The following SH3TC1 variants were observed in gnomAD, a reference collection of about 807,000 sequenced individuals.
The protein encoded by SH3TC1 is SH3 domain and tetratricopeptide repeat-containing protein 1.
A neutral mutation model predicts 117.3 loss-of-function variants in SH3TC1; 135 were observed. That is an observed-to-expected ratio of 1.15 (90% CI 1.00 to 1.33). The LOEUF (loss-of-function observed/expected upper bound fraction) is 1.33, where lower values mean the gene tolerates loss of function less well. SH3TC1 is among the 40% of genes most tolerant of loss of function. SH3TC1 has a pLI of 0.00. For missense variants in SH3TC1, 2,092 were observed against 1,794.3 expected (o/e 1.17, Z -3.00); for synonymous variants, 898 against 816.9 (o/e 1.10, Z -1.69).
chr4:8,234,179 CCAT>C (rs1721574416), intron 14 of SH3TC1, among the ~76,000 whole-genome samples: 3 of 142,384 alleles, frequency 2.1e-5, no homozygotes, highest in South Asian at 4.9e-4. Flanking sequence ...ATCCATCCAT[CCAT>C]CATCCATCCA....
At chr4:8,196,828 G>C (rs749058178), upstream of SH3TC1, among the ~76,000 whole-genome samples, 1 of 152,116 alleles carries the variant, frequency 6.6e-6, no homozygotes, top group Non-Finnish European at 1.5e-5. The surrounding 1 kb of genome is among the most constrained non-coding windows in gnomAD (Gnocchi z 4.6). Context: ...ACCTTGTATC[G>C]TCCATCCCCA....
At chr4:8,213,329 T>A (rs908350869) in intron 4 of SH3TC1, 2 of 157,142 alleles carry the variant, frequency 1.3e-5, no homozygotes, top group Admixed American at 6.1e-5. Context: ...CTGACTGGGG[T>A]TGGACCAGCC....
chr4:8,238,522 G>C (rs576135537), intron 17 of SH3TC1, among the ~76,000 whole-genome samples: 7 of 152,262 alleles, frequency 4.6e-5, no homozygotes, highest in African/African-American at 1.7e-4. Flanking sequence ...CTGAGCTCTT[G>C]GGGGCCTTAG....
chr4:8,195,884 G>C (rs553464855), upstream of SH3TC1, among the ~76,000 whole-genome samples: 28 of 152,320 alleles, frequency 1.8e-4, no homozygotes, highest in African/African-American at 6.3e-4. Context: ...GGTCTTGGGC[G>C]CCAACTCCCC....
intron 3 of SH3TC1, 142 bp from the exon 4 acceptor site, chr4:8,212,558 CG>C: frequency 1.8e-6 from 2 of 1,142,728 alleles, no homozygotes; most frequent in Non-Finnish European, 1.2e-6. Context: ...GATCTAAACC[CG>C]GGGCTTGGGC....
upstream of SH3TC1, among the ~76,000 whole-genome samples, chr4:8,197,534 T>C (rs1717595366): frequency 6.6e-6 from 1 of 152,182 alleles, no homozygotes; most frequent in African/African-American, 2.4e-5. Context: ...GACTTTCAGA[T>C]TGCTGCCACT....
chr4:8,197,766 C>G (rs760759296), upstream of SH3TC1, among the ~76,000 whole-genome samples: 2 of 152,216 alleles, frequency 1.3e-5, no homozygotes, highest in African/African-American at 4.8e-5. Flanking sequence ...CCCCCGATCC[C>G]GGGCCCTGGC....
At chr4:8,218,390 T>C in intron 8 of SH3TC1, 43 bp downstream of exon 8, 13 of 1,478,166 alleles carry the variant, frequency 8.8e-6, no homozygotes, top group Non-Finnish European at 1.2e-5. Flanking sequence ...GAAATGTGTG[T>C]GCTAGGGAGC....
chr4:8,215,329 C>T (rs1433367971), intron 5 of SH3TC1: 1 of 443,632 alleles, frequency 2.3e-6, no homozygotes, highest in African/African-American at 2.0e-5. Flanking sequence ...CGACACCACC[C>T]TTGATTTGAG....
intron 14 of SH3TC1, among the ~76,000 whole-genome samples, chr4:8,233,755 CCATCATCCATCCATCCTTCCATT>C (rs1483017676): frequency 3.0e-5 from 1 of 33,244 alleles, no homozygotes; most frequent in Non-Finnish European, 6.0e-5. Context: ...ATCCATCCAT[CCATCATCCATCCATCCTTCCATT>C]ATCCATCCAT....
At chr4:8,233,868 A>G (rs1033528768) in intron 14 of SH3TC1, among the ~76,000 whole-genome samples, 3 of 146,718 alleles carry the variant, frequency 2.0e-5, no homozygotes, top group Non-Finnish European at 4.5e-5. Flanking sequence ...CCATCCATTC[A>G]CCTATCATCC....
Position 8,239,620 on chromosome 4 carries a change from G to A in SH3TC1, c.3754-1078G>A, listed in dbSNP as rs530523310. Reference sequence around the variant, plus strand: ...CACGTGCACACACACAGGCATACACGGACACAGGCACATGCACACAGAGAC... The same window carrying A: ...CACGTGCACACACACAGGCATACACAGACACAGGCACATGCACACAGAGAC... On this transcript the variant is annotated intron_variant, in intron 17 of 17. Transcript: ENST00000245105. 8.6e-5 allele frequency among the ~76,000 whole-genome samples: 13 copies of A among 151,408 alleles called. No homozygotes were observed. In the South Asian group the frequency reaches 1.9e-3, roughly 22 times the overall value.
intron 1 of SH3TC1, among the ~76,000 whole-genome samples, chr4:8,200,533 C>T (rs1057061370): frequency 7.2e-5 from 11 of 152,214 alleles, no homozygotes; most frequent in South Asian, 2.1e-4. Context: ...AACTGTGTCC[C>T]GTGTGGGGCG....
chr4:8,195,351 G>A (rs1200177789), upstream of SH3TC1, among the ~76,000 whole-genome samples: 2 of 152,188 alleles, frequency 1.3e-5, no homozygotes, highest in African/African-American at 2.4e-5. Context: ...GCTGGGGTTC[G>A]GACAGGTCCT....
intron 1 of SH3TC1, among the ~76,000 whole-genome samples, chr4:8,203,884 C>T (rs900477080): frequency 2.6e-5 from 4 of 152,184 alleles, no homozygotes; most frequent in African/African-American, 7.2e-5. Flanking sequence ...CTCCCAGTCC[C>T]CTGCCACGTT....
chr4:8,215,508 A>C (rs1719170452), intron 5 of SH3TC1, among the ~76,000 whole-genome samples: 1 of 152,154 alleles, frequency 6.6e-6, no homozygotes, highest in Non-Finnish European at 1.5e-5. Context: ...GGGGATGTCC[A>C]TCCAGAGGGC....
intron 15 of SH3TC1, 56 bp downstream of exon 15, chr4:8,235,611 T>A: frequency 6.7e-7 from 1 of 1,503,210 alleles, no homozygotes; most frequent in Non-Finnish European, 8.9e-7. Context: ...CCTTGAGGGC[T>A]GAGGCACAGG....
At chr4:8,235,883 TG>T in intron 15 of SH3TC1, 1 of 359,596 alleles carries the variant, frequency 2.8e-6, no homozygotes, top group Non-Finnish European at 5.0e-6. Context: ...GGCATGCCAG[TG>T]GGAGGCCCAG....
At position 8,199,332 on chromosome 4, in the gene SH3TC1, C is replaced by T. The variant is rs1300708403; in HGVS notation, c.-102C>T. On this transcript the variant is annotated 5_prime_UTR_variant, in exon 1 of 18. Coordinates refer to ENST00000245105, the MANE Select transcript of SH3TC1 (RefSeq NM_018986.5). ...CCCGTGGGGCCAGCCAGCGCTGGGC[C>T]AGGAGCGGCCACCTGGTTCCTGCGT... The T allele has an allele frequency of 6.6e-6, 1 of 152,324 alleles. No individual in the cohort carries two copies. The highest frequency in any genetic ancestry group is 1.5e-5 in the Non-Finnish European group (1 of 68,088). The allele number at this position is 152,324 out of a possible 1,614,324, so 9.4% of individuals were successfully genotyped here.
Sources: allele counts gnomAD v4.1 joint callset (sites outside exome capture counted in the v4.1 genomes callset), GRCh38; gene constraint gnomAD v4.1.1; non-coding constraint Gnocchi (gnomAD v3.1); transcripts MANE v1.5; gene names NCBI Gene and HGNC (gene_info 2026-07-23, HGNC 2026-07-21).